The following ADAM17 variants were observed in gnomAD, a reference collection of about 807,000 sequenced individuals.
ADAM17 encodes the protein disintegrin and metalloproteinase domain-containing protein 17.
Under a neutral mutation model 96.7 loss-of-function variants are expected in ADAM17, and 39 were observed. The ratio of observed to expected loss-of-function variants is 0.40; its 90% CI spans 0.31 to 0.53. The LOEUF is 0.53. Ranked by LOEUF, ADAM17 falls within the 20% of genes least tolerant of loss-of-function variation. The pLI is 0.44. For missense variants in ADAM17, 777 were observed against 1,013.2 expected (o/e 0.77, Z 3.17); for synonymous variants, 344 against 359.2 (o/e 0.96, Z 0.48).
intron 10 of ADAM17, 86 bp from the exon 11 acceptor site, chr2:9,510,217 G>C (rs1663657085): frequency 8.1e-7 from 1 of 1,229,148 alleles, no homozygotes; most frequent in Non-Finnish European, 1.2e-6. Flanking sequence ...GTCTTAAATA[G>C]AGCCTTATAA....
rs1661808790 is a variant in ADAM17, at chr2:9,488,751, G to C, written c.*1426C>G. The C allele has an allele frequency of 6.5e-6, 1 of 152,874 alleles. No individual in the cohort carries two copies. Among genetic ancestry groups the C allele is most frequent in the South Asian group, 2.1e-4 (1 of 4,854 alleles). The allele number at this position is 152,874 out of a possible 1,614,324, so 9.5% of individuals were successfully genotyped here. A position where few individuals can be genotyped will look rare whatever the true frequency, so the allele number is the denominator to read the frequency against. ...GTTAAAAGATAGCAAATACCATAAGGTACAAGTTCAAGTATTAGTATAACA... is the reference window on the plus strand; with the variant it reads ...GTTAAAAGATAGCAAATACCATAAGCTACAAGTTCAAGTATTAGTATAACA... On this transcript the variant is annotated 3_prime_UTR_variant, in exon 19 of 19. Transcript: ENST00000310823.
chr2:9,494,559 C>G, intron 15 of ADAM17, 78 bp downstream of exon 15: 1 of 1,541,098 alleles, frequency 6.5e-7, no homozygotes, highest in Non-Finnish European at 8.9e-7. Flanking sequence ...GATTTGTTTT[C>G]ATCTGCAAAA....
chr2:9,521,028 T>C (rs1171909791), intron 8 of ADAM17, among the ~76,000 whole-genome samples, 175 bp downstream of exon 8: 1 of 151,664 alleles, frequency 6.6e-6, no homozygotes, highest in African/African-American at 2.4e-5. Flanking sequence ...CATAGAGTTT[T>C]TGTTATTTGT....
chr2:9,553,608 G>A (rs1052871402), intron 1 of ADAM17, among the ~76,000 whole-genome samples: 54 of 150,690 alleles, frequency 3.6e-4, no homozygotes, highest in Non-Finnish European at 6.9e-4. Context: ...CCGGGAGGCG[G>A]AGGTTGTGGT....
chr2:9,526,535 C>A (rs1380062374), intron 5 of ADAM17, among the ~76,000 whole-genome samples: 1 of 152,140 alleles, frequency 6.6e-6, no homozygotes, highest in East Asian at 1.9e-4. Context: ...TTGGCTCAGG[C>A]CTGTAATCCC....
rs561380947 is a variant in ADAM17, at chr2:9,535,773, G to T, written c.450+61C>A. On this transcript the variant is annotated intron_variant, in intron 4 of 18. Transcript: ENST00000310823. ...AATTACTTTTCACCTTTGCAGAACT[G>T]AGCAGCTTTTTGAAAATCAGAGATA... 43 of 1,115,346 alleles carry T rather than the reference G, an allele frequency of 3.9e-5. 1 individual carries two copies. In the South Asian group the frequency reaches 5.3e-4, roughly 14 times the overall value. 69.1% of individuals were successfully genotyped at this position (1,115,346 alleles called of 1,614,324 possible).
chr2:9,513,485 G>A (rs1176118530), intron 10 of ADAM17, among the ~76,000 whole-genome samples: 1 of 152,168 alleles, frequency 6.6e-6, no homozygotes, highest in Non-Finnish European at 1.5e-5. Flanking sequence ...GGAACAGTCA[G>A]TCTTGTGGGA....
intron 6 of ADAM17, among the ~76,000 whole-genome samples, chr2:9,525,724 T>C (rs999271022): frequency 3.3e-5 from 5 of 152,184 alleles, no homozygotes; most frequent in African/African-American, 1.2e-4. Context: ...CTCTCTGAAA[T>C]ATACATATAA....
chr2:9,514,684 T>C (rs1023464483), intron 10 of ADAM17, among the ~76,000 whole-genome samples: 7 of 150,610 alleles, frequency 4.6e-5, no homozygotes, highest in South Asian at 2.1e-4. Context: ...CCATCCTGGC[T>C]AACACAGTGA....
At chr2:9,530,984 G>A (rs1664715807) in intron 4 of ADAM17, among the ~76,000 whole-genome samples, 1 of 152,012 alleles carries the variant, frequency 6.6e-6, no homozygotes, top group Non-Finnish European at 1.5e-5. Context: ...CTGAGACAGA[G>A]TTTCACCCTG....
At chr2:9,491,615 TC>T (rs1662158169) in intron 17 of ADAM17, among the ~76,000 whole-genome samples, 1 of 152,210 alleles carries the variant, frequency 6.6e-6, no homozygotes, top group Non-Finnish European at 1.5e-5. Context: ...CTCCACAGTT[TC>T]TGTGGACCAT....
intron 13 of ADAM17, among the ~76,000 whole-genome samples, chr2:9,501,297 AATAGG>A (rs761717181): frequency 7.9e-5 from 12 of 152,316 alleles, no homozygotes; most frequent in Non-Finnish European, 1.5e-4. Flanking sequence ...TCATCATGCT[AATAGG>A]ACAGCAGGGT....
rs747638598 is a variant in ADAM17, at chr2:9,490,144, T to C, written c.*33A>G. On this transcript the variant is annotated 3_prime_UTR_variant, in exon 19 of 19. Coordinates refer to ENST00000310823, the MANE Select transcript of ADAM17 (RefSeq NM_003183.6). ...GTAGGTCAAATCTATAAAAATATTT[T>C]GCACACTTAAGTCAGAAGAGCTGAG... 3 of 1,530,898 alleles carry C rather than the reference T, an allele frequency of 2.0e-6. No homozygotes were observed. The highest frequency in any genetic ancestry group is 2.7e-6 in the Non-Finnish European group (3 of 1,126,656). 94.8% of individuals were successfully genotyped at this position (1,530,898 alleles called of 1,614,324 possible).
At chr2:9,492,657 T>C (rs757417107) in intron 17 of ADAM17, among the ~76,000 whole-genome samples, 3 of 152,228 alleles carry the variant, frequency 2.0e-5, no homozygotes, top group Non-Finnish European at 2.9e-5. Context: ...CTTAAAAGTA[T>C]AAAATTCCTA....
intron 1 of ADAM17, among the ~76,000 whole-genome samples, chr2:9,550,649 T>C (rs1665561762): frequency 1.3e-5 from 2 of 151,790 alleles, no homozygotes; most frequent in South Asian, 4.2e-4. Flanking sequence ...TTCACCATGT[T>C]GGTCAAGCTG....
At chr2:9,512,966 TG>T (rs1663822418) in intron 10 of ADAM17, among the ~76,000 whole-genome samples, 2 of 152,096 alleles carry the variant, frequency 1.3e-5, no homozygotes, top group South Asian at 4.1e-4. Flanking sequence ...CCTCGCCCTA[TG>T]TATCCCTTCA....
intron 10 of ADAM17, among the ~76,000 whole-genome samples, chr2:9,514,535 AT>A (rs1181111368): frequency 8.9e-5 from 2 of 22,458 alleles, no homozygotes; most frequent in Non-Finnish European, 1.8e-4. Context: ...ATATATATAT[AT>A]ATATATATAT....
intron 2 of ADAM17, among the ~76,000 whole-genome samples, chr2:9,537,139 T>C (rs1308422747): frequency 6.6e-6 from 1 of 152,212 alleles, no homozygotes; most frequent in Non-Finnish European, 1.5e-5. Flanking sequence ...CGTAGTTAAG[T>C]TGGAATCCTG....
In ADAM17 at chr2:9,535,867, T is replaced by A; in HGVS notation, c.417A>T (p.Arg139Ser). 6.2e-7 allele frequency: 1 copy of A among 1,605,798 alleles called. No individual in the cohort carries two copies. Among genetic ancestry groups the A allele is most frequent in the Non-Finnish European group, 8.5e-7 (1 of 1,175,808 alleles). The change falls in exon 4 of 19, where the codon AGA (arginine) becomes AGT (serine). Residue 139 changes from arginine to serine, a missense_variant. Transcript: ENST00000310823. Reference protein sequence around the residue: ...AHIRDDDVIIRINTDGAEYNI... With the variant: ...AHIRDDDVIISINTDGAEYNI... ...TATATTCGGCCCCATCTGTGTTGAT[T>A]CTGATTATAACATCATCATCTCTTA...
Sources: allele counts gnomAD v4.1 joint callset (sites outside exome capture counted in the v4.1 genomes callset), GRCh38; gene constraint gnomAD v4.1.1; transcripts MANE v1.5; gene names NCBI Gene and HGNC (gene_info 2026-07-23, HGNC 2026-07-21).